UGT2B7: variants seen among roughly 807,000 people sequenced by gnomAD.
The protein encoded by UGT2B7 is UDP-glucuronosyltransferase 2B7.
UGT2B7 carries 51 observed loss-of-function variants against 51.9 expected under a neutral mutation model. That is an observed-to-expected ratio of 0.98 (90% CI 0.78 to 1.24). The LOEUF is 1.24. Ranked by LOEUF, UGT2B7 falls within the 50% of genes most tolerant of loss-of-function variation. The pLI is 0.00. For missense variants in UGT2B7, 727 were observed against 628.4 expected, an observed-to-expected ratio of 1.16 and a Z score of -1.68; for synonymous variants, 225 against 211.6, an observed-to-expected ratio of 1.06 and a Z score of -0.55.
rs939487107 is a variant in UGT2B7 at position 69,079,070 on chromosome 4, T to A, written c.-158-10402T>A. Among the ~76,000 whole-genome samples the A allele has an allele frequency of 2.6e-5, 4 of 151,922 alleles. No homozygotes were observed. In the East Asian group the frequency reaches 7.7e-4, roughly 29 times the overall value. On this transcript the variant is annotated intron_variant, in intron 1 of 5. Transcript: ENST00000502942. ...GCTGTTCAGGTGTTTCCTGGGACAA[T>A]AGGAAGCTGAGCCCTCCAGCTGAGT...
intron 1 of UGT2B7, among the ~76,000 whole-genome samples, chr4:69,080,720 T>C (rs1718817352): frequency 6.6e-6 from 1 of 152,048 alleles, no homozygotes; most frequent in African/African-American, 2.4e-5. Context: ...CTGAAAAAAA[T>C]TAAATGCAAT....
chr4:69,112,736 G>A lies in UGT2B7; in HGVS notation c.1590G>A (p.Ter530=). Residue 530 remains the stop codon, a stop_retained_variant, in exon 6 of 6, where the codon TAG becomes TAA. Transcript: ENST00000305231. Reference sequence around the variant, plus strand: ...AAGCAAAGAAGGGAAAAAATGATTAGTTATATCTGAGATTTGAAGCTGGAA... The same window carrying A: ...AAGCAAAGAAGGGAAAAAATGATTAATTATATCTGAGATTTGAAGCTGGAA... The part of the protein sequence containing the change: ...ARKAKKGKND[*] 6.2e-7 allele frequency: 1 copy of A among 1,611,758 alleles called. No homozygotes were observed. The highest frequency in any genetic ancestry group is 8.5e-7 in the Non-Finnish European group (1 of 1,179,214).
chr4:69,059,849 A>C (rs1186307532), intron 1 of UGT2B7, among the ~76,000 whole-genome samples: 1 of 152,270 alleles, frequency 6.6e-6, no homozygotes, highest in Non-Finnish European at 1.5e-5. Context: ...CCATCCACCC[A>C]GTGGTGCCAA....
At chr4:69,055,398 C>A (rs1343850940) in intron 1 of UGT2B7, among the ~76,000 whole-genome samples, 3 of 148,842 alleles carry the variant, frequency 2.0e-5, no homozygotes, top group Non-Finnish European at 4.4e-5. Flanking sequence ...GAGCTGCAAC[C>A]TTTTAAAATT....
chr4:69,079,709 A>G (rs1718792503), intron 1 of UGT2B7, among the ~76,000 whole-genome samples: 1 of 152,136 alleles, frequency 6.6e-6, no homozygotes, highest in African/African-American at 2.4e-5. Context: ...TGTAGTCACG[A>G]AATCATATGA....
intron 1 of UGT2B7, among the ~76,000 whole-genome samples, chr4:69,078,780 T>C (rs7666894): frequency 0.46 from 70,280 of 151,882 alleles, 17,958 homozygotes; most frequent in African/African-American, 0.68. Context: ...GCAGATGTGA[T>C]CCATCTGGCT....
intron 1 of UGT2B7, among the ~76,000 whole-genome samples, chr4:69,052,840 AAAACATACCTTTGGTAAAAAGATTAT>A (rs1191335161): frequency 2.0e-5 from 3 of 152,182 alleles, no homozygotes; most frequent in African/African-American, 7.2e-5. Flanking sequence ...ATAAAAAAGT[AAAACATACCTTTGGTAAAAAGATTAT>A]AAGGAGGCAT....
intron 2 of UGT2B7, 46 bp from the exon 3 acceptor site, chr4:69,102,761 G>A (rs749546894): frequency 5.0e-6 from 8 of 1,585,074 alleles, no homozygotes; most frequent in South Asian, 2.3e-5. Context: ...GGTAGTGCCC[G>A]CTGTGCTAAT....
intron 4 of UGT2B7, among the ~76,000 whole-genome samples, chr4:69,107,789 G>T (rs1261438630): frequency 6.6e-6 from 1 of 151,816 alleles, no homozygotes; most frequent in African/African-American, 2.4e-5. Context: ...CTCTGTGACT[G>T]CACTTAAAAT....
chr4:69,064,112 AAAAGAAAG>A (rs60807201), intron 1 of UGT2B7, among the ~76,000 whole-genome samples: 3 of 86,802 alleles, frequency 3.5e-5, no homozygotes, highest in Non-Finnish European at 2.2e-5. Context: ...GAAAGAAAGA[AAAAGAAAG>A]AAAGAAAGAA....
chr4:69,112,040 T>C (rs960738028), intron 5 of UGT2B7, among the ~76,000 whole-genome samples: 4 of 152,098 alleles, frequency 2.6e-5, no homozygotes, highest in Non-Finnish European at 5.9e-5. Flanking sequence ...AAGTAAAAAC[T>C]AAAAGGCAGA....
intron 1 of UGT2B7, among the ~76,000 whole-genome samples, chr4:69,057,893 G>A (rs181228247): frequency 4.6e-5 from 7 of 152,320 alleles, no homozygotes; most frequent in Admixed American, 6.5e-5. Context: ...CTGGCCAAAT[G>A]TACTTATAGA....
At chr4:69,058,414 T>C (rs934941262) in intron 1 of UGT2B7, among the ~76,000 whole-genome samples, 11 of 152,166 alleles carry the variant, frequency 7.2e-5, no homozygotes, top group Admixed American at 6.5e-4. Flanking sequence ...GTTTGGGCTA[T>C]GCAAATGCCT....
Position 69,109,309 on chromosome 4 carries a change from C to G in UGT2B7, c.1310+987C>G, listed in dbSNP as rs543404343. On this transcript the variant is annotated intron_variant, in intron 5 of 5. Coordinates refer to ENST00000305231, the MANE Select transcript of UGT2B7 (RefSeq NM_001074.4). ...GGAACTGTATGTTTATGAAGAACTG[C>G]TAAACTGTCTTCCAAAGTACTTGTT... Among the ~76,000 whole-genome samples the G allele has an allele frequency of 4.6e-5, 7 of 152,222 alleles. 1 individual carries two copies. The South Asian group carries it at 1.4e-3, about 32-fold the overall frequency.
chr4:69,094,540 T>C (rs1249347170), upstream of UGT2B7, among the ~76,000 whole-genome samples: 4 of 152,224 alleles, frequency 2.6e-5, no homozygotes, highest in African/African-American at 9.7e-5. Context: ...CATGCCTTAA[T>C]TTAAAAACAC....
At chr4:69,107,024 A>T in intron 3 of UGT2B7, 151 bp from the exon 4 acceptor site, 1 of 838,014 alleles carries the variant, frequency 1.2e-6, no homozygotes, top group Non-Finnish European at 1.7e-6. Flanking sequence ...AAAGTTGAGA[A>T]AATTAATGTG....
chr4:69,064,232 G>T (rs1718439598), intron 1 of UGT2B7, among the ~76,000 whole-genome samples: 1 of 152,152 alleles, frequency 6.6e-6, no homozygotes, highest in Non-Finnish European at 1.5e-5. Flanking sequence ...GGAAAGTCCT[G>T]ATACTACTGT....
chr4:69,065,113 A>C (rs1718457503), intron 1 of UGT2B7, among the ~76,000 whole-genome samples: 1 of 152,280 alleles, frequency 6.6e-6, no homozygotes, highest in East Asian at 1.9e-4. Flanking sequence ...AAAAAATTGA[A>C]ATGTATCATG....
chr4:69,070,809 A>G (rs533660444), intron 1 of UGT2B7, among the ~76,000 whole-genome samples: 2 of 152,138 alleles, frequency 1.3e-5, no homozygotes, highest in South Asian at 2.1e-4. Flanking sequence ...AATCCATGAC[A>G]TAGTGCACAT....
Sources: allele counts gnomAD v4.1 joint callset (sites outside exome capture counted in the v4.1 genomes callset), GRCh38; gene constraint gnomAD v4.1.1; transcripts MANE v1.5; gene names NCBI Gene and HGNC (gene_info 2026-07-23, HGNC 2026-07-21).